The following GLB1L2 variants were observed in gnomAD, a reference collection of about 807,000 sequenced individuals.
GLB1L2 encodes the protein galactosidase beta 1 like 2, also known as beta-galactosidase-1-like protein 2.
Under a neutral mutation model 84.1 loss-of-function variants are expected in GLB1L2, and 68 were observed. That is an observed-to-expected ratio of 0.81 (90% CI 0.67 to 0.99). The LOEUF is 0.99. GLB1L2 is among the 50% of genes least tolerant of loss of function. The probability of loss-of-function intolerance (pLI) is 0.00; values close to 1 mark genes in which losing one functional copy is unlikely to be tolerated. For missense variants in GLB1L2, 762 were observed against 805.6 expected (o/e 0.95, Z 0.66); for synonymous variants, 290 against 318.0 (o/e 0.91, Z 0.94).
intron 15 of GLB1L2, 63 bp from the exon 16 acceptor site, chr11:134,373,658 C>A: frequency 9.1e-7 from 1 of 1,094,566 alleles, no homozygotes; most frequent in Non-Finnish European, 1.4e-6. Context: ...CCCTCGTGGC[C>A]CCGGCCCAGC....
At chr11:134,367,469 T>C (rs1943881185) in intron 9 of GLB1L2, 128 bp downstream of exon 9, 2 of 735,402 alleles carry the variant, frequency 2.7e-6, no homozygotes, top group South Asian at 3.8e-5. Flanking sequence ...TGTGCAGAAG[T>C]TGGCTTTGGA....
In GLB1L2 at chr11:134,374,712, C is replaced by T; in HGVS notation, c.1818C>T (p.Ile606=). 6.2e-7 allele frequency: 1 copy of T among 1,612,046 alleles called. No individual in the cohort carries two copies. Among genetic ancestry groups the T allele is most frequent in the Middle Eastern group, 1.7e-4 (1 of 6,056 alleles). The part of the protein sequence containing the change: ...YLPGPWLSSG[I]NQVIVFEETM... ...CAGGTCCCTGGTTGAGCAGCGGAAT[C>T]AACCAGGTGGGAGCTTCCAGCCCCT... Residue 606 remains isoleucine (I), a synonymous_variant, in exon 18 of 19, where the codon ATC becomes ATT. Transcript: ENST00000535456.
At position 134,338,949 on chromosome 11, in the gene GLB1L2, A is replaced by C. The variant is rs909004224; in HGVS notation, c.87-3805A>C. Among the ~76,000 whole-genome samples, 25 of 152,200 alleles carry C rather than the reference A, an allele frequency of 1.6e-4. No homozygotes were observed. Among genetic ancestry groups the C allele is most frequent in the African/African-American group, 6.0e-4 (25 of 41,440 alleles). Reference sequence around the variant, plus strand: ...GACCTGGGCACTGAGCACTGAGTTCAGGGTTTGCTGTCCGGACTCTTCTAA... The same window carrying C: ...GACCTGGGCACTGAGCACTGAGTTCCGGGTTTGCTGTCCGGACTCTTCTAA... On this transcript the variant is annotated intron_variant, in intron 1 of 18. Coordinates refer to ENST00000535456, the MANE Select transcript of GLB1L2 (RefSeq NM_001370461.1). The surrounding 1 kb of genome is among the most constrained non-coding windows in gnomAD (Gnocchi z 6.2).
At chr11:134,365,798 G>T (rs539363246) in intron 8 of GLB1L2, among the ~76,000 whole-genome samples, 1 of 152,272 alleles carries the variant, frequency 6.6e-6, no homozygotes, top group South Asian at 2.1e-4. Context: ...TAAATCAAGG[G>T]CTCTCTGAAT....
At position 134,356,307 on chromosome 11, in the gene GLB1L2, C is replaced by T. The variant is rs187537624; in HGVS notation, c.565C>T (p.Arg189Cys). 1,717 of 1,613,646 alleles carry T rather than the reference C, an allele frequency of 1.1e-3. 41 individuals carry two copies. The Admixed American group carries it at 0.027, about 25-fold the overall frequency. Residue 189 changes from arginine (R) to cysteine (C), a missense_variant, in exon 6 of 19, where the codon CGT becomes TGT. By Grantham distance (180) the Arg-to-Cys change is radical. Transcript: ENST00000535456. Reference sequence around the variant, plus strand: ...TTCTGTCTTTTCTCCGCAGTACAAGCGTGGGGGACCTATCATTGCCGTGCA... The same window carrying T: ...TTCTGTCTTTTCTCCGCAGTACAAGTGTGGGGGACCTATCATTGCCGTGCA... ...MSRVVPLQYK[R>C]GGPIIAVQVE... is the part of the protein sequence containing the mutation.
chr11:134,354,625 T>C (rs1277919594), intron 5 of GLB1L2, among the ~76,000 whole-genome samples: 1 of 152,140 alleles, frequency 6.6e-6, no homozygotes, highest in Non-Finnish European at 1.5e-5. Context: ...TGAGTTTTGC[T>C]GGATATAGAA....
Position 134,370,932 on chromosome 11 carries a change from C to A in GLB1L2, c.1216-76C>A. ...CAAACCTCCGCTTCCACCCCATGTG[C>A]CAGCCCCCAGGCAGAGTCTGTCTGT... On this transcript the variant is annotated intron_variant, in intron 12 of 18. Transcript: ENST00000535456. The surrounding 1 kb of genome is among the most constrained non-coding windows in gnomAD (Gnocchi z 4.7). 1.9e-6 allele frequency: 3 copies of A among 1,550,070 alleles called. No individual in the cohort carries two copies. Among genetic ancestry groups the A allele is most frequent in the Non-Finnish European group, 2.6e-6 (3 of 1,137,514 alleles).
chr11:134,358,957 A>G, intron 6 of GLB1L2, 103 bp from the exon 7 acceptor site: 1 of 765,720 alleles, frequency 1.3e-6, no homozygotes, highest in Non-Finnish European at 2.1e-6. Flanking sequence ...TTTATTTGTC[A>G]TCTCTCCTTC....
In GLB1L2 at chr11:134,370,906, C is replaced by T; in HGVS notation, c.1216-102C>T. 1 of 1,358,926 alleles carries T rather than the reference C, an allele frequency of 7.4e-7. No individual in the cohort carries two copies. The highest frequency in any genetic ancestry group is 1.3e-5 in the South Asian group (1 of 75,016). 84.2% of individuals were successfully genotyped at this position (1,358,926 alleles called of 1,614,324 possible). ...GAGAAGTCAAAGTAGAAAACACCCACCAAACCTCCGCTTCCACCCCATGTG... is the reference window on the plus strand; with the variant it reads ...GAGAAGTCAAAGTAGAAAACACCCATCAAACCTCCGCTTCCACCCCATGTG... On this transcript the variant is annotated intron_variant, in intron 12 of 18. Transcript: ENST00000535456. This position sits in a 1 kb window ranked among gnomAD's most constrained non-coding sequence, Gnocchi z 4.7.
rs774023213 is a variant in GLB1L2 at position 134,371,481 on chromosome 11, C to A, written c.1417C>A (p.Pro473Thr). 5 of 1,586,060 alleles carry A rather than the reference C, an allele frequency of 3.2e-6. No individual in the cohort carries two copies. In the Admixed American group the frequency reaches 5.0e-5, roughly 16 times the overall value. The change falls in exon 14 of 19, where the codon CCC becomes ACC. Residue 473 changes from proline (P) to threonine (T), a missense_variant. This residue lies in a region of GLB1L2 where 603 missense variants were observed against 611.7 expected (regional missense o/e 0.99). Transcript: ENST00000535456. Reference protein sequence around the residue: ...LDYKTTKIAVPLIQGYTVLRI... With the variant: ...LDYKTTKIAVTLIQGYTVLRI... ...CTACAAGACAACGAAGATTGCTGTC[C>A]CCCTGATCCAGGTTCGTTGTTTTTG...
chr11:134,373,930 G>C lies in GLB1L2; in HGVS notation c.1595+122G>C, dbSNP rs1026563344. On this transcript the variant is annotated intron_variant, in intron 16 of 18. Transcript: ENST00000535456. ...CAGGTGTGAACGCCTCCAGGGGCCA[G>C]ATCGGCTGGCCGAGGTGAGGGGTGG... 4.9e-6 allele frequency: 4 copies of C among 817,316 alleles called. No homozygotes were observed. The African/African-American group carries it at 6.9e-5, about 14-fold the overall frequency. 50.6% of individuals were successfully genotyped at this position (817,316 alleles called of 1,614,324 possible). A position where few individuals can be genotyped will look rare whatever the true frequency, so the allele number is the denominator to read the frequency against.
intron 8 of GLB1L2, among the ~76,000 whole-genome samples, chr11:134,366,547 C>G (rs1226494576): frequency 6.6e-6 from 1 of 152,216 alleles, no homozygotes; most frequent in Non-Finnish European, 1.5e-5. Context: ...ACACCTCCCC[C>G]AGGTGCTCTG....
intron 7 of GLB1L2, among the ~76,000 whole-genome samples, chr11:134,363,572 T>C (rs56050515): frequency 0.052 from 7,936 of 152,320 alleles, 706 homozygotes; most frequent in African/African-American, 0.18. Context: ...AGAAAGCCAC[T>C]GAAAATAGCA....
At position 134,342,716 on chromosome 11, in the gene GLB1L2, C is replaced by G. The variant is rs768064128; in HGVS notation, c.87-38C>G. The stretch of plus-strand genomic sequence containing the variant: ...CGAGGAAGCCGATCTCTCTGCGGCC[C>G]GGAGCCTCCAGGCTCCAGAATGTCT... On this transcript the variant is annotated intron_variant, in intron 1 of 18. Transcript: ENST00000535456. 14 of 1,582,906 alleles carry G rather than the reference C, an allele frequency of 8.8e-6. No homozygotes were observed. In the South Asian group the frequency reaches 8.9e-5, roughly 10 times the overall value.
rs1416233645 is a variant in GLB1L2, at chr11:134,331,999, C to A, written c.-63C>A. On this transcript the variant is annotated 5_prime_UTR_variant, in exon 1 of 19. Coordinates refer to ENST00000535456, the MANE Select transcript of GLB1L2 (RefSeq NM_001370461.1). ...CGGCTCCGCCCCCCGCGGCGAGGCT[C>A]CCGCGCGCGGCTGAGTGCGGACTGG... is the stretch of plus-strand genomic sequence containing the variant. 3.3e-6 allele frequency: 4 copies of A among 1,202,442 alleles called. No homozygotes were observed. The highest frequency in any genetic ancestry group is 1.6e-5 in the African/African-American group (1 of 62,630). The allele number at this position is 1,202,442 out of a possible 1,614,324, so 74.5% of individuals were successfully genotyped here. A position where few individuals can be genotyped will look rare whatever the true frequency, so the allele number is the denominator to read the frequency against.
intron 5 of GLB1L2, among the ~76,000 whole-genome samples, chr11:134,348,274 C>G (rs1378841782): frequency 6.6e-6 from 1 of 152,164 alleles, no homozygotes; most frequent in Admixed American, 6.5e-5. Context: ...TTGCATGGGT[C>G]ATACTTACAC....
intron 16 of GLB1L2, 62 bp downstream of exon 16, chr11:134,373,870 AG>A: frequency 8.2e-7 from 1 of 1,215,550 alleles, no homozygotes. Context: ...GGTGGGGCCC[AG>A]GGGTCCCTGG....
chr11:134,342,309 C>T (rs1943476767), intron 1 of GLB1L2, among the ~76,000 whole-genome samples: 1 of 152,212 alleles, frequency 6.6e-6, no homozygotes, highest in African/African-American at 2.4e-5. Context: ...CCAACGCAGA[C>T]CCTCTTTCCA....
chr11:134,363,404 T>C (rs1943824518), intron 7 of GLB1L2, among the ~76,000 whole-genome samples: 1 of 152,222 alleles, frequency 6.6e-6, no homozygotes, highest in Admixed American at 6.5e-5. Flanking sequence ...GCTCAGCCTC[T>C]CTGGTGTGTG....
Sources: allele counts gnomAD v4.1 joint callset (sites outside exome capture counted in the v4.1 genomes callset), GRCh38; gene constraint gnomAD v4.1.1; regional missense constraint gnomAD v4.1.1; non-coding constraint Gnocchi (gnomAD v3.1); transcripts MANE v1.5; gene names NCBI Gene and HGNC (gene_info 2026-07-23, HGNC 2026-07-21).